Variants in SLIT3 observed in about 807,000 individuals in gnomAD.
SLIT3 encodes the protein slit homolog 3 protein.
In SLIT3, 68 loss-of-function variants were observed where a neutral mutation model predicts 184.0. That is an observed-to-expected ratio of 0.37 (90% CI 0.30 to 0.45). The LOEUF (loss-of-function observed/expected upper bound fraction) is 0.45, where lower values mean the gene tolerates loss of function less well. Among genes scored for constraint, SLIT3 ranks in the 20% least tolerant of loss-of-function variants. SLIT3 has a pLI of 1.00. For synonymous variants in SLIT3, 831 were observed against 828.6 expected, an observed-to-expected ratio of 1.00 and a Z score of -0.05; for missense variants, 1,707 against 2,026.0, an observed-to-expected ratio of 0.84 and a Z score of 3.02.
At chr5:169,121,720 T>C (rs183517551) in intron 4 of SLIT3, among the ~76,000 whole-genome samples, 64 of 152,330 alleles carry the variant, frequency 4.2e-4, no homozygotes, top group Admixed American at 3.9e-3. Context: ...AGGCTTTTCC[T>C]CTTGCAAAAA....
chr5:168,885,880 A>G (rs1760185521), intron 4 of SLIT3, among the ~76,000 whole-genome samples: 1 of 152,202 alleles, frequency 6.6e-6, no homozygotes, highest in African/African-American at 2.4e-5. Context: ...ATACGGTGGG[A>G]TGAGGAGAGG....
At chr5:168,804,373 G>A (rs1357080242) in intron 9 of SLIT3, among the ~76,000 whole-genome samples, 2 of 143,926 alleles carry the variant, frequency 1.4e-5, no homozygotes, top group African/African-American at 2.6e-5. Flanking sequence ...AGGAAAGAGA[G>A]CAAGGATAGG....
At chr5:168,979,515 T>G (rs1303591378) in intron 4 of SLIT3, among the ~76,000 whole-genome samples, 1 of 152,226 alleles carries the variant, frequency 6.6e-6, no homozygotes, top group Non-Finnish European at 1.5e-5. Context: ...CACTATTTTC[T>G]CGTCTGTTTA....
At chr5:168,889,143 A>G (rs1561989480) in intron 4 of SLIT3, among the ~76,000 whole-genome samples, 1 of 152,186 alleles carries the variant, frequency 6.6e-6, no homozygotes, top group Non-Finnish European at 1.5e-5. Flanking sequence ...AGGGACAAAC[A>G]TGCAGGAAAA....
intron 3 of SLIT3, among the ~76,000 whole-genome samples, chr5:169,207,416 C>CACAT (rs59792125): frequency 1.4e-5 from 2 of 147,500 alleles, no homozygotes; most frequent in African/African-American, 5.0e-5. Context: ...CACACACACA[C>CACAT]GGCACCAAGT....
At chr5:169,153,735 A>G (rs946862146) in intron 4 of SLIT3, among the ~76,000 whole-genome samples, 4 of 152,378 alleles carry the variant, frequency 2.6e-5, no homozygotes, top group South Asian at 2.1e-4. Context: ...GGACTCCCCA[A>G]CATGAATGTT....
In SLIT3 at chr5:169,233,608, C is replaced by A. The variant is rs112211535; in HGVS notation, c.341+11097G>T. The stretch of plus-strand genomic sequence containing the variant: ...GCACACGTTTACCTATGTAACAAAC[C>A]TGCACATACCGCACACGTACCCCGG... On this transcript the variant is annotated intron_variant, in intron 3 of 35. Coordinates refer to ENST00000519560, the MANE Select transcript of SLIT3 (RefSeq NM_003062.4). Among the ~76,000 whole-genome samples the A allele has an allele frequency of 7.8e-3, 1,185 of 152,258 alleles. 15 individuals are homozygous for A. The highest frequency in any genetic ancestry group is 0.027 in the African/African-American group (1,138 of 41,562).
chr5:168,992,147 C>T (rs1051336727), intron 4 of SLIT3, among the ~76,000 whole-genome samples: 2 of 152,170 alleles, frequency 1.3e-5, no homozygotes, highest in Non-Finnish European at 2.9e-5. Context: ...TCTCCTGAGC[C>T]ACCCTTCTGT....
chr5:168,700,437 C>T (rs893786964), intron 27 of SLIT3, 145 bp downstream of exon 27: 2 of 646,144 alleles, frequency 3.1e-6, no homozygotes, highest in African/African-American at 1.8e-5. Context: ...TTGCCTTCTG[C>T]CATGATTGTG....
chr5:168,908,645 A>G (rs1164518057), intron 4 of SLIT3, among the ~76,000 whole-genome samples: 1 of 152,200 alleles, frequency 6.6e-6, no homozygotes, highest in African/African-American at 2.4e-5. Context: ...AATCAGGGTA[A>G]CAAACTGCAA....
At chr5:168,962,143 G>T (rs994837475) in intron 4 of SLIT3, among the ~76,000 whole-genome samples, 1 of 152,122 alleles carries the variant, frequency 6.6e-6, no homozygotes, top group East Asian at 1.9e-4. Context: ...ACCCATGGGT[G>T]GGGGTGGGAG....
chr5:168,672,088 G>A lies in SLIT3; in HGVS notation c.3842-605C>T, dbSNP rs371244526. Among the ~76,000 whole-genome samples the A allele has an allele frequency of 7.9e-4, 120 of 152,180 alleles. 5 individuals carry two copies. In the South Asian group the frequency reaches 0.024, roughly 30 times the overall value. On this transcript the variant is annotated intron_variant, in intron 33 of 35. Coordinates refer to ENST00000519560, the MANE Select transcript of SLIT3 (RefSeq NM_003062.4). The stretch of plus-strand genomic sequence containing the variant: ...TTGCTTTTCAATAATTTGTATTTTC[G>A]CTCCCCTTCTACACCATTCCCTGCC...
chr5:169,199,690 A>G (rs1404115750), intron 3 of SLIT3, among the ~76,000 whole-genome samples: 10 of 152,202 alleles, frequency 6.6e-5, no homozygotes, highest in Non-Finnish European at 1.2e-4. Flanking sequence ...CCCAAAGTCA[A>G]GCTTGACCAA....
rs1242136803 is a variant in SLIT3 at position 169,167,403 on chromosome 5, T to A, written c.413+26076A>T. On this transcript the variant is annotated intron_variant, in intron 4 of 35. Transcript: ENST00000519560. ...CATTCTCCTGCCTCAGCCTCCCGAG[T>A]AGCTGGGATTACAGGTGCCCACCAC... Among the ~76,000 whole-genome samples the A allele has an allele frequency of 2.7e-5, 4 of 150,074 alleles. No individual in the cohort carries two copies. The East Asian group carries it at 8.2e-4, about 31-fold the overall frequency.
At chr5:168,833,502 CTGGACAATCTAT>C (rs1167827539) in intron 6 of SLIT3, among the ~76,000 whole-genome samples, 31 of 152,308 alleles carry the variant, frequency 2.0e-4, no homozygotes, top group African/African-American at 7.5e-4. Flanking sequence ...TGCCATCTGA[CTGGACAATCTAT>C]TGGGCACTAG....
intron 4 of SLIT3, among the ~76,000 whole-genome samples, chr5:169,092,850 T>C (rs1356411977): frequency 6.6e-6 from 1 of 152,176 alleles, no homozygotes; most frequent in Non-Finnish European, 1.5e-5. Flanking sequence ...GACACCTTCC[T>C]GATTCATTTT....
intron 1 of SLIT3, among the ~76,000 whole-genome samples, chr5:169,263,886 A>G (rs1048368755): frequency 1.3e-5 from 2 of 150,194 alleles, no homozygotes; most frequent in Non-Finnish European, 3.0e-5. Flanking sequence ...GATACTCCCC[A>G]ACTTCCTCCA....
Position 168,663,882 on chromosome 5 carries a change from A to G in SLIT3, c.*2572T>C, listed in dbSNP as rs533916975. ...TAAGAGCTCCTTGTGTAATAAGGCA[A>G]TTGTCCATTTTTATGACTGTTTTTG... On this transcript the variant is annotated 3_prime_UTR_variant, in exon 36 of 36. Transcript: ENST00000519560. 264 of 152,286 alleles carry G rather than the reference A, an allele frequency of 1.7e-3. 3 individuals are homozygous for G. Among genetic ancestry groups the G allele is most frequent in the African/African-American group, 6.1e-3 (254 of 41,556 alleles). The allele number at this position is 152,286 out of a possible 1,614,324, so 9.4% of individuals were successfully genotyped here.
intron 5 of SLIT3, among the ~76,000 whole-genome samples, chr5:168,868,854 A>C (rs1484969409): frequency 2.0e-5 from 3 of 152,054 alleles, no homozygotes; most frequent in Non-Finnish European, 2.9e-5. Flanking sequence ...ATGAAGGCTT[A>C]GGGAGGAGAA....
Sources: allele counts gnomAD v4.1 joint callset (sites outside exome capture counted in the v4.1 genomes callset), GRCh38; gene constraint gnomAD v4.1.1; transcripts MANE v1.5; gene names NCBI Gene and HGNC (gene_info 2026-07-23, HGNC 2026-07-21).